PPP1R12A: variants seen among roughly 807,000 people sequenced by gnomAD.
The protein encoded by PPP1R12A is myosin binding subunit.
PPP1R12A carries 19 observed loss-of-function variants against 139.6 expected under a neutral mutation model. That is an observed-to-expected ratio of 0.14 (90% CI 0.09 to 0.20). The LOEUF is 0.20. Ranked by LOEUF, PPP1R12A falls within the 10% of genes least tolerant of loss-of-function variation. The pLI is 1.00. For missense variants in PPP1R12A, 925 were observed against 1,211.5 expected, an observed-to-expected ratio of 0.76 and a Z score of 3.51; for synonymous variants, 427 against 420.6, an observed-to-expected ratio of 1.02 and a Z score of -0.19.
At chr12:79,848,898 T>G (rs1879721356) in intron 2 of PPP1R12A, 2 of 152,104 alleles carry the variant, frequency 1.3e-5, no homozygotes, top group African/African-American at 4.8e-5. Context: ...CTCTGCAGAC[T>G]TCGGGTTCAG....
intron 1 of PPP1R12A, among the ~76,000 whole-genome samples, chr12:79,916,496 ATTGT>A (rs1209674491): frequency 1.3e-5 from 2 of 152,200 alleles, no homozygotes; most frequent in African/African-American, 4.8e-5. Flanking sequence ...CTCCTATTGG[ATTGT>A]TTAAAATTCT....
At chr12:79,789,650 T>C (rs565040210) in intron 20 of PPP1R12A, 1 of 454,622 alleles carries the variant, frequency 2.2e-6, no homozygotes, top group African/African-American at 2.0e-5. Context: ...GAATCATCAG[T>C]AGACAGAAAT....
Position 79,820,893 on chromosome 12 carries a change from G to A in PPP1R12A, c.995C>T (p.Ser332Phe). ...TLIIEPEKNASRIESLEQEKV... is the reference protein window; with the variant it reads ...TLIIEPEKNAFRIESLEQEKV... ...TTCTTGTTCCAGAGATTCAATACGG[G>A]ATGCATTTTTCTCTGGTTCAATAAT... The change falls in exon 8 of 25, where the codon TCC becomes TTC. Residue 332 changes from serine (S) to phenylalanine (F), a missense_variant. Ser to Phe is a radical substitution (Grantham distance 155). This residue lies in a region of PPP1R12A where 403 missense variants were observed against 463.7 expected (regional missense o/e 0.87). Coordinates refer to ENST00000450142, the MANE Select transcript of PPP1R12A (RefSeq NM_002480.3). The A allele has an allele frequency of 1.2e-6, 2 of 1,613,400 alleles. No individual in the cohort carries two copies. Among genetic ancestry groups the A allele is most frequent in the Non-Finnish European group, 1.7e-6 (2 of 1,179,738 alleles).
rs1440951833 is a variant in PPP1R12A at position 79,934,969 on chromosome 12, G to T, written c.-38C>A. ...CGCCGGGTCTTCTTATCGCGAGGGGGGGAAGGGGGAGGCGGAGAGGGAAGA... is the reference window on the plus strand; with the variant it reads ...CGCCGGGTCTTCTTATCGCGAGGGGTGGAAGGGGGAGGCGGAGAGGGAAGA... On this transcript the variant is annotated 5_prime_UTR_variant, in exon 1 of 25. Transcript: ENST00000450142. 1.3e-6 allele frequency: 2 copies of T among 1,546,868 alleles called. No individual in the cohort carries two copies. Among genetic ancestry groups the T allele is most frequent in the African/African-American group, 2.7e-5 (2 of 73,456 alleles).
intron 3 of PPP1R12A, among the ~76,000 whole-genome samples, chr12:79,836,752 CTA>C (rs1878135223): frequency 6.6e-6 from 1 of 152,190 alleles, no homozygotes; most frequent in African/African-American, 2.4e-5. Context: ...GACTTGCTTT[CTA>C]AGTTCAGTGC....
rs140319869 is a variant in PPP1R12A at position 79,803,269 on chromosome 12, G to A, written c.2000+2323C>T. On this transcript the variant is annotated intron_variant, in intron 14 of 24. Coordinates refer to ENST00000450142, the MANE Select transcript of PPP1R12A (RefSeq NM_002480.3). ...CCTCCTTTGGGGTACCTATCTAGAG[G>A]AGACCTCTAAGAATACGACATAGAG... 2.7e-3 allele frequency among the ~76,000 whole-genome samples: 410 copies of A among 152,170 alleles called. 2 individuals are homozygous for A. The highest frequency in any genetic ancestry group is 9.5e-3 in the African/African-American group (395 of 41,512).
chr12:79,911,368 T>A (rs936325599), intron 1 of PPP1R12A, among the ~76,000 whole-genome samples: 2 of 152,162 alleles, frequency 1.3e-5, no homozygotes, highest in South Asian at 2.1e-4. Context: ...AAATACTGCA[T>A]GTTCTCATAA....
At chr12:79,782,826 G>C (rs2136977240) in intron 22 of PPP1R12A, among the ~76,000 whole-genome samples, 1 of 152,216 alleles carries the variant, frequency 6.6e-6, no homozygotes, top group Admixed American at 6.5e-5. Flanking sequence ...TGCTTTATGA[G>C]TGCTAACCAC....
rs779275515 is a variant in PPP1R12A, at chr12:79,806,305, AATC to A, written c.1681_1683del (p.Asp561del). The A allele has an allele frequency of 8.7e-6, 14 of 1,613,682 alleles. No individual in the cohort carries two copies. The African/African-American group carries it at 1.7e-4, about 20-fold the overall frequency. ...GTGCTTGGAACACTAGAACTAATCA[AATC>A]ATCTTGTCTTCTACCAAAGGAGCAA... On this transcript the variant is annotated inframe_deletion, in exon 13 of 25. Transcript: ENST00000450142.
intron 2 of PPP1R12A, among the ~76,000 whole-genome samples, chr12:79,849,675 T>A (rs1879822579): frequency 6.6e-6 from 1 of 152,218 alleles, no homozygotes; most frequent in Admixed American, 6.5e-5. Flanking sequence ...GTTAGATGAC[T>A]GGGCTACTTT....
At chr12:79,902,961 C>T (rs764905973) in intron 1 of PPP1R12A, among the ~76,000 whole-genome samples, 8 of 151,780 alleles carry the variant, frequency 5.3e-5, no homozygotes, top group African/African-American at 1.2e-4. Flanking sequence ...GCAGGCATAC[C>T]CACAAAAGGT....
intron 1 of PPP1R12A, among the ~76,000 whole-genome samples, chr12:79,918,149 C>A (rs1592831407): frequency 2.0e-5 from 3 of 151,534 alleles, no homozygotes; most frequent in Admixed American, 2.0e-4. Flanking sequence ...AGGCAGTTCA[C>A]TGAAACCTTA....
intron 2 of PPP1R12A, among the ~76,000 whole-genome samples, chr12:79,872,342 C>G (rs1451513838): frequency 6.6e-6 from 1 of 152,030 alleles, no homozygotes; most frequent in East Asian, 1.9e-4. Flanking sequence ...ATGACTATTT[C>G]TCATTGAATT....
At chr12:79,837,128 T>C (rs1030223551) in intron 3 of PPP1R12A, among the ~76,000 whole-genome samples, 12 of 152,194 alleles carry the variant, frequency 7.9e-5, no homozygotes, top group Non-Finnish European at 1.6e-4. Flanking sequence ...TTATAATGCA[T>C]TTAACTGGTC....
chr12:79,905,600 T>C (rs1021242458), intron 1 of PPP1R12A, among the ~76,000 whole-genome samples: 27 of 152,140 alleles, frequency 1.8e-4, no homozygotes, highest in African/African-American at 5.8e-4. Context: ...CTTATATATA[T>C]AGCCTTAAAT....
intron 21 of PPP1R12A, chr12:79,788,015 G>A (rs1227160501): frequency 6.6e-6 from 1 of 152,184 alleles, no homozygotes; most frequent in African/African-American, 2.4e-5. Context: ...ACTTAGCATA[G>A]TTCAGTTCTT....
chr12:79,862,754 G>A (rs894929216), intron 2 of PPP1R12A, among the ~76,000 whole-genome samples: 6 of 152,256 alleles, frequency 3.9e-5, no homozygotes, highest in African/African-American at 1.4e-4. Flanking sequence ...AAAGGAAAAA[G>A]AGAAGTTTAG....
intron 2 of PPP1R12A, among the ~76,000 whole-genome samples, chr12:79,861,512 C>A (rs1485758376): frequency 6.6e-6 from 1 of 152,184 alleles, no homozygotes; most frequent in East Asian, 1.9e-4. Flanking sequence ...CGGGGTGTTG[C>A]CTCACCTGGG....
intron 1 of PPP1R12A, among the ~76,000 whole-genome samples, chr12:79,891,924 C>A (rs1374030300): frequency 6.6e-6 from 1 of 152,128 alleles, no homozygotes; most frequent in Non-Finnish European, 1.5e-5. Flanking sequence ...GCAGTCCCAG[C>A]CAATAGCTCG....
Sources: allele counts gnomAD v4.1 joint callset (sites outside exome capture counted in the v4.1 genomes callset), GRCh38; gene constraint gnomAD v4.1.1; regional missense constraint gnomAD v4.1.1; transcripts MANE v1.5; gene names NCBI Gene and HGNC (gene_info 2026-07-23, HGNC 2026-07-21).